Variants in RYR2 observed in about 807,000 individuals in gnomAD.
RYR2 encodes cardiac muscle ryanodine receptor-calcium release channel.
Under a neutral mutation model 601.1 loss-of-function variants are expected in RYR2, and 227 were observed. The ratio of observed to expected loss-of-function variants is 0.38; its 90% confidence interval spans 0.34 to 0.42. The LOEUF (loss-of-function observed/expected upper bound fraction) is 0.42. Among genes scored for constraint, RYR2 ranks in the 10% least tolerant of loss-of-function variants. The pLI, the probability that RYR2 is intolerant of heterozygous loss-of-function variation, is 1.00. For missense variants in RYR2, 4,646 were observed against 6,156.5 expected (o/e 0.75, Z 8.21); for synonymous variants, 2,223 against 2,175.1 (o/e 1.02, Z -0.61).
chr1:237,303,156 C>T (rs777952898), intron 2 of RYR2, among the ~76,000 whole-genome samples: 9 of 152,096 alleles, frequency 5.9e-5, no homozygotes, highest in Non-Finnish European at 1.3e-4. Flanking sequence ...TACACGTGGT[C>T]ACAAACCACA....
chr1:237,270,381 T>A, intron 1 of RYR2, 116 bp from the exon 2 acceptor site: 1 of 1,414,980 alleles, frequency 7.1e-7, no homozygotes, highest in Non-Finnish European at 9.7e-7. Flanking sequence ...CAGTAGTTTT[T>A]ACATTCGGCA....
At chr1:237,449,097 C>T (rs1221847360) in intron 14 of RYR2, among the ~76,000 whole-genome samples, 2 of 152,072 alleles carry the variant, frequency 1.3e-5, no homozygotes, top group Non-Finnish European at 2.9e-5. Context: ...TACACGGGAG[C>T]GTGAGAGCAT....
At chr1:237,119,631 A>C (rs1265531890) in intron 1 of RYR2, among the ~76,000 whole-genome samples, 2 of 152,154 alleles carry the variant, frequency 1.3e-5, no homozygotes, top group African/African-American at 4.8e-5. Flanking sequence ...AATGGAAGGA[A>C]GTGGTAGCTG....
At position 237,610,133 on chromosome 1, in the gene RYR2, G is replaced by C. The variant is rs1342842299; in HGVS notation, c.4684-629G>C. Among the ~76,000 whole-genome samples the C allele has an allele frequency of 6.6e-6, 1 of 152,142 alleles. No homozygotes were observed. Among genetic ancestry groups the C allele is most frequent in the Non-Finnish European group, 1.5e-5 (1 of 68,022 alleles). On this transcript the variant is annotated intron_variant, in intron 35 of 104. Coordinates refer to ENST00000366574, the MANE Select transcript of RYR2 (RefSeq NM_001035.3). This position sits in a 1 kb window ranked among gnomAD's most constrained non-coding sequence, Gnocchi z 4.9. ...ATCATAGATAAATGAAGAAACTTTT[G>C]GCAAAGCAGAGACCTCTCTTTCTTT...
At chr1:237,352,953 A>G in intron 3 of RYR2, 2 of 439,140 alleles carry the variant, frequency 4.6e-6, no homozygotes, top group Non-Finnish European at 9.2e-6. Flanking sequence ...TTTCATGGGA[A>G]AGGCAAAATA....
chr1:237,198,788 G>A (rs559128892), intron 1 of RYR2, among the ~76,000 whole-genome samples: 1 of 151,482 alleles, frequency 6.6e-6, no homozygotes, highest in East Asian at 1.9e-4. Context: ...ACTTGCAAAG[G>A]ATTCAGAAAA....
At chr1:237,186,994 C>G (rs1679416134) in intron 1 of RYR2, among the ~76,000 whole-genome samples, 1 of 152,100 alleles carries the variant, frequency 6.6e-6, no homozygotes, top group Non-Finnish European at 1.5e-5. Context: ...CTGGGACTTG[C>G]CCTGACAAGT....
At chr1:237,411,941 AT>A (rs1447191762) in intron 10 of RYR2, among the ~76,000 whole-genome samples, 1 of 152,130 alleles carries the variant, frequency 6.6e-6, no homozygotes, top group Non-Finnish European at 1.5e-5. Flanking sequence ...TTAATAATGT[AT>A]TTTATGATTC....
chr1:237,103,414 C>G (rs183865982), intron 1 of RYR2, among the ~76,000 whole-genome samples: 2 of 152,162 alleles, frequency 1.3e-5, no homozygotes, highest in Non-Finnish European at 2.9e-5. Context: ...GTACTTTGAA[C>G]CTGAAGTAAG....
intron 24 of RYR2, among the ~76,000 whole-genome samples, chr1:237,517,628 C>A (rs530662358): frequency 2.7e-5 from 4 of 149,488 alleles, no homozygotes; most frequent in Admixed American, 1.3e-4. Flanking sequence ...AAGCCAGGAA[C>A]TATAATTAAA....
intron 25 of RYR2, among the ~76,000 whole-genome samples, chr1:237,536,996 C>A (rs1001971769): frequency 1.3e-5 from 2 of 152,122 alleles, no homozygotes; most frequent in African/African-American, 2.4e-5. Context: ...AAAACCCCTG[C>A]AGATCCAATA....
intron 2 of RYR2, among the ~76,000 whole-genome samples, chr1:237,294,265 C>A (rs955599739): frequency 1.4e-4 from 21 of 151,998 alleles, no homozygotes; most frequent in Admixed American, 7.2e-4. Flanking sequence ...TTCAGTCTCC[C>A]ATGTTCATGG....
chr1:237,753,894 T>G (rs2149254492), intron 80 of RYR2, among the ~76,000 whole-genome samples: 1 of 152,010 alleles, frequency 6.6e-6, no homozygotes, highest in African/African-American at 2.4e-5. Flanking sequence ...TCTTAGTATC[T>G]GAAAATTTTC....
chr1:237,044,311 T>C (rs1270480900), intron 1 of RYR2, among the ~76,000 whole-genome samples: 2 of 152,148 alleles, frequency 1.3e-5, no homozygotes, highest in Non-Finnish European at 1.5e-5. Context: ...CTCTGTGGGG[T>C]TAAAACTAGC....
intron 2 of RYR2, among the ~76,000 whole-genome samples, chr1:237,329,605 G>A (rs895963057): frequency 3.3e-5 from 5 of 150,446 alleles, no homozygotes; most frequent in South Asian, 2.1e-4. Context: ...TCGCACCATC[G>A]CACTCCACCC....
chr1:237,660,586 T>C lies in RYR2; in HGVS notation c.8299-224T>C, dbSNP rs933579435. 4.6e-5 allele frequency among the ~76,000 whole-genome samples: 7 copies of C among 152,168 alleles called. No homozygotes were observed. In the South Asian group the frequency reaches 8.3e-4, roughly 18 times the overall value. On this transcript the variant is annotated intron_variant, in intron 55 of 104. Coordinates refer to ENST00000366574, the MANE Select transcript of RYR2 (RefSeq NM_001035.3). The stretch of plus-strand genomic sequence containing the variant: ...TGCTAAAGGAAATTGACCTTGGTGC[T>C]ATATAATGAACAAAGCGAGGATCCC...
At chr1:237,508,908 A>C (rs1309401198) in intron 23 of RYR2, among the ~76,000 whole-genome samples, 4 of 149,590 alleles carry the variant, frequency 2.7e-5, no homozygotes, top group East Asian at 3.9e-4. Flanking sequence ...ACGCCCGGCT[A>C]ATTTTTTGTA....
chr1:237,400,932 A>C (rs931947480), intron 10 of RYR2, among the ~76,000 whole-genome samples: 3 of 152,242 alleles, frequency 2.0e-5, no homozygotes, highest in Non-Finnish European at 4.4e-5. Flanking sequence ...GAAATGGATC[A>C]AAAATTGTAC....
intron 100 of RYR2, among the ~76,000 whole-genome samples, chr1:237,810,284 GAAAT>G (rs1661119197): frequency 6.6e-6 from 1 of 152,082 alleles, no homozygotes; most frequent in Non-Finnish European, 1.5e-5. Context: ...ACATCAATAA[GAAAT>G]AAGCCAATAG....
Sources: allele counts gnomAD v4.1 joint callset (sites outside exome capture counted in the v4.1 genomes callset), GRCh38; gene constraint gnomAD v4.1.1; non-coding constraint Gnocchi (gnomAD v3.1); transcripts MANE v1.5; gene names NCBI Gene and HGNC (gene_info 2026-07-23, HGNC 2026-07-21).